The following AKAP8 variants were observed in gnomAD, a reference collection of about 807,000 sequenced individuals.
The protein encoded by AKAP8 is A-kinase anchor protein 8.
Under a neutral mutation model 67.5 loss-of-function variants are expected in AKAP8, and 24 were observed. The ratio of observed to expected loss-of-function variants is 0.36; its 90% confidence interval spans 0.26 to 0.50. AKAP8 has a LOEUF of 0.50. AKAP8 is among the 20% of genes least tolerant of loss of function. The pLI is 0.97. For missense variants in AKAP8, 971 were observed against 955.9 expected (o/e 1.02, Z -0.21); for synonymous variants, 400 against 371.1 (o/e 1.08, Z -0.90).
rs765239495 is a variant in AKAP8, at chr19:15,372,841, G to A, written c.861+10C>T. On this transcript the variant is annotated intron_variant, in intron 5 of 13. Coordinates refer to ENST00000269701, the MANE Select transcript of AKAP8 (RefSeq NM_005858.4). ...CGAAGGCGGCCGGAAGGAACCTTGC[G>A]AGGGCTTACCCGATCCCGATCCCGC... The A allele has an allele frequency of 2.6e-5, 39 of 1,488,794 alleles. No homozygotes were observed. The highest frequency in any genetic ancestry group is 1.4e-4 in the African/African-American group (10 of 71,200). The allele number at this position is 1,488,794 out of a possible 1,614,324, so 92.2% of individuals were successfully genotyped here. A position where few individuals can be genotyped will look rare whatever the true frequency, so the allele number is the denominator to read the frequency against.
rs1195506622 is a variant in AKAP8, at chr19:15,353,836, G to T, written c.*1079C>A. The stretch of plus-strand genomic sequence containing the variant: ...CTGATTTTAGGAAATTCTGTTGCGT[G>T]CTAACCTTGAACACATGCTAGCCTC... On this transcript the variant is annotated 3_prime_UTR_variant, in exon 14 of 14. Coordinates refer to ENST00000269701, the MANE Select transcript of AKAP8 (RefSeq NM_005858.4). The T allele has an allele frequency of 1.3e-5, 2 of 152,182 alleles. No homozygotes were observed. Among genetic ancestry groups the T allele is most frequent in the South Asian group, 4.1e-4 (2 of 4,820 alleles). 9.4% of individuals were successfully genotyped at this position (152,182 alleles called of 1,614,324 possible).
intron 9 of AKAP8, among the ~76,000 whole-genome samples, chr19:15,365,977 T>C (rs1328341399): frequency 6.7e-6 from 1 of 148,842 alleles, no homozygotes; most frequent in East Asian, 2.0e-4. Flanking sequence ...TGAGCTGAGA[T>C]CGTGCCACTG....
Position 15,369,369 on chromosome 19 carries a change from G to T in AKAP8, c.1072+777C>A. ...AAGCCTGAACAGGAGGAACATCTAA[G>T]CCAAGGGCCTTCAGAATGGATGGGA... is the stretch of plus-strand genomic sequence containing the variant. On this transcript the variant is annotated intron_variant, in intron 8 of 13. Transcript: ENST00000269701. The surrounding 1 kb of genome is among the most constrained non-coding windows in gnomAD (Gnocchi z 4.6). 2 of 620,044 alleles carry T rather than the reference G, an allele frequency of 3.2e-6. No homozygotes were observed. The highest frequency in any genetic ancestry group is 4.0e-6 in the Non-Finnish European group (2 of 495,916). 38.4% of individuals were successfully genotyped at this position (620,044 alleles called of 1,614,324 possible). A position where few individuals can be genotyped will look rare whatever the true frequency, so the allele number is the denominator to read the frequency against.
At position 15,361,729 on chromosome 19, in the gene AKAP8, C is replaced by T. The variant is rs1295320581; in HGVS notation, c.1396G>A (p.Gly466Arg). 1 of 1,610,814 alleles carries T rather than the reference C, an allele frequency of 6.2e-7. No individual in the cohort carries two copies. The highest frequency in any genetic ancestry group is 8.5e-7 in the Non-Finnish European group (1 of 1,176,938). ...CACTCATCCTGGGATGACAACTCAC[C>T]TTTGAAAGGATCTGGTTTTGGTTTT... ...TAKPKPDPFK[G>R]IGQEHFFKKI... The change falls in exon 11 of 14, where the codon GGG (glycine) becomes AGG (arginine). Residue 466 changes from glycine (G) to arginine (R), a missense_variant and splice_region_variant. Around this residue, in one of 3 missense-constraint regions of AKAP8, gnomAD observed 763 missense variants for 745.4 expected, o/e 1.02. Coordinates refer to ENST00000269701, the MANE Select transcript of AKAP8 (RefSeq NM_005858.4).
intron 9 of AKAP8, among the ~76,000 whole-genome samples, chr19:15,366,244 CTT>C (rs1382146950): frequency 1.3e-5 from 2 of 150,362 alleles, no homozygotes; most frequent in Non-Finnish European, 3.0e-5. Context: ...AGGAAGATCT[CTT>C]GAGGCTAGTT....
chr19:15,377,118 TAGA>T lies in AKAP8; in HGVS notation c.20-107_20-105del, dbSNP rs746387133. ...TCTCCTTACAGTTCAGTGCCAGCCT[TAGA>T]AGAAGGAAGACTCCCCCCCACCCCA... On this transcript the variant is annotated intron_variant, in intron 1 of 13. Transcript: ENST00000269701. 2.4e-5 allele frequency: 33 copies of T among 1,358,174 alleles called. 1 individual carries two copies. The highest frequency in any genetic ancestry group is 1.5e-4 in the East Asian group (6 of 39,222). The allele number at this position is 1,358,174 out of a possible 1,614,324, so 84.1% of individuals were successfully genotyped here.
At chr19:15,374,570 C>T in intron 3 of AKAP8, 33 bp downstream of exon 3, 1 of 1,608,076 alleles carries the variant, frequency 6.2e-7, no homozygotes, top group Non-Finnish European at 8.5e-7. Context: ...GCCCACTTGC[C>T]CGCCCACAGA....
rs1352238118 is a variant in AKAP8, at chr19:15,371,939, C to G, written c.1038+13G>C. ...CCCACACTAGAGGCAAAAGGGCTGC[C>G]TGGTGGACTTACACCCTTGAATTCT... On this transcript the variant is annotated intron_variant, in intron 7 of 13. Transcript: ENST00000269701. 1 of 1,613,948 alleles carries G rather than the reference C, an allele frequency of 6.2e-7. No individual in the cohort carries two copies. Among genetic ancestry groups the G allele is most frequent in the Admixed American group, 1.7e-5 (1 of 59,978 alleles).
Position 15,354,738 on chromosome 19 carries a change from C to T in AKAP8, c.*177G>A, listed in dbSNP as rs2048265758. ...TTTGAAACCTGGGCAAGAAGCCACA[C>T]GACTGCATGAGACAAGCCGTGAGAG... On this transcript the variant is annotated 3_prime_UTR_variant, in exon 14 of 14. Coordinates refer to ENST00000269701, the MANE Select transcript of AKAP8 (RefSeq NM_005858.4). 1.0e-5 allele frequency: 7 copies of T among 682,136 alleles called. No individual in the cohort carries two copies. Among genetic ancestry groups the T allele is most frequent in the African/African-American group, 3.6e-5 (2 of 55,406 alleles). The allele number at this position is 682,136 out of a possible 1,614,324, so 42.3% of individuals were successfully genotyped here. A position where few individuals can be genotyped will look rare whatever the true frequency, so the allele number is the denominator to read the frequency against.
intron 1 of AKAP8, among the ~76,000 whole-genome samples, chr19:15,377,719 C>A (rs946545920): frequency 2.6e-5 from 4 of 152,136 alleles, no homozygotes; most frequent in African/African-American, 9.7e-5. Context: ...CCGCCAGCCT[C>A]GGCCTCCCAA....
At chr19:15,362,052 G>T in intron 10 of AKAP8, 58 bp downstream of exon 10, 1 of 1,598,780 alleles carries the variant, frequency 6.3e-7, no homozygotes, top group South Asian at 1.1e-5. Context: ...TCCTTCAAGG[G>T]ATCCGGCACC....
Position 15,355,338 on chromosome 19 carries a change from A to G in AKAP8, c.1656T>C (p.Asp552=), listed in dbSNP as rs368685776. The part of the protein sequence containing the change: ...GEDPFTSETV[D]PEMEGDDNLG... ...AATTGTCATCTCCTTCCATTTCTGG[A>G]TCAACAGTTTCACTGGTGAAAGGGT... Residue 552 remains aspartate, a synonymous_variant, in exon 14 of 14, where the codon GAT becomes GAC. Coordinates refer to ENST00000269701, the MANE Select transcript of AKAP8 (RefSeq NM_005858.4). 1.7e-5 allele frequency: 28 copies of G among 1,613,490 alleles called. No individual in the cohort carries two copies. Among genetic ancestry groups the G allele is most frequent in the Non-Finnish European group, 2.4e-5 (28 of 1,179,974 alleles).
chr19:15,369,032 A>G lies in AKAP8; in HGVS notation c.1073-710T>C. The G allele has an allele frequency of 5.1e-6, 5 of 985,614 alleles. No individual in the cohort carries two copies. Among genetic ancestry groups the G allele is most frequent in the Non-Finnish European group, 6.0e-6 (5 of 830,172 alleles). 61.1% of individuals were successfully genotyped at this position (985,614 alleles called of 1,614,324 possible). On this transcript the variant is annotated intron_variant, in intron 8 of 13. Coordinates refer to ENST00000269701, the MANE Select transcript of AKAP8 (RefSeq NM_005858.4). This position sits in a 1 kb window ranked among gnomAD's most constrained non-coding sequence, Gnocchi z 4.6. ...ATGAGGCCAGGGACGGACGCTGAAA[A>G]AAGGTTGGAGAAGCATCTGAACTGT...
intron 9 of AKAP8, among the ~76,000 whole-genome samples, chr19:15,367,819 C>T (rs756456483): frequency 6.6e-6 from 1 of 152,222 alleles, no homozygotes; most frequent in African/African-American, 2.4e-5. Context: ...GAACACAGGA[C>T]AGTGTCTGAG....
At position 15,362,257 on chromosome 19, in the gene AKAP8, G is replaced by C. The variant is rs1441644746; in HGVS notation, c.1161-6C>G. The C allele has an allele frequency of 6.2e-7, 1 of 1,613,842 alleles. No individual in the cohort carries two copies. The highest frequency in any genetic ancestry group is 8.5e-7 in the Non-Finnish European group (1 of 1,179,938). ...CAGAACAGGCAAACTGAATTCTGTA[G>C]AAGGAAAACAAGGAGGGGAGTGAAG... On this transcript the variant is annotated splice_region_variant and splice_polypyrimidine_tract_variant and intron_variant, in intron 9 of 13. Coordinates refer to ENST00000269701, the MANE Select transcript of AKAP8 (RefSeq NM_005858.4).
rs753296829 is a variant in AKAP8, at chr19:15,355,324, C to T, written c.1670G>A (p.Gly557Glu). ...ATCCTCACCTCCTAAATTGTCATCT[C>T]CTTCCATTTCTGGATCAACAGTTTC... ...TSETVDPEME[G>E]DDNLGGEDKK... is the part of the protein sequence containing the mutation. Residue 557 changes from glycine to glutamate, a missense_variant, in exon 14 of 14, where the codon GGA (glycine) becomes GAA (glutamate). By Grantham distance (98) the Gly-to-Glu change is moderately conservative. Transcript: ENST00000269701. 7.4e-6 allele frequency: 12 copies of T among 1,613,716 alleles called. No individual in the cohort carries two copies. The South Asian group carries it at 1.1e-4, about 15-fold the overall frequency.
chr19:15,372,247 A>T lies in AKAP8; in HGVS notation c.962T>A (p.Val321Asp), dbSNP rs567716912. ...YEEPDTKLAR[V>D]DSEGDFSEND... The stretch of plus-strand genomic sequence containing the variant: ...TTCGGAGAAATCTCCTTCACTGTCA[A>T]CCCGGGCCAGTTTGGTGTCTGGCTC... Residue 321 changes from valine (V) to aspartate (D), a missense_variant, in exon 6 of 14, where the codon GTT becomes GAT. Val to Asp is a radical substitution (Grantham distance 152). Around this residue, in one of 3 missense-constraint regions of AKAP8, gnomAD observed 763 missense variants for 745.4 expected, o/e 1.02. Transcript: ENST00000269701. 20 of 1,614,102 alleles carry T rather than the reference A, an allele frequency of 1.2e-5. No homozygotes were observed. The South Asian group carries it at 2.1e-4, about 17-fold the overall frequency.
At chr19:15,359,155 G>A in intron 12 of AKAP8, 93 bp from the exon 13 acceptor site, 1 of 1,141,820 alleles carries the variant, frequency 8.8e-7, no homozygotes, top group Non-Finnish European at 1.3e-6. Flanking sequence ...CCTGAGATCA[G>A]CCCTATGCAG....
At chr19:15,358,853 C>T in intron 13 of AKAP8, 114 bp downstream of exon 13, 1 of 952,826 alleles carries the variant, frequency 1.0e-6, no homozygotes, top group Non-Finnish European at 1.7e-6. Context: ...TGTCCCTCAA[C>T]TGTCAAAAGA....
Sources: gnomAD v4.1 joint callset for allele counts (sites outside exome capture counted in the v4.1 genomes callset) on GRCh38, gnomAD v4.1.1 for gene constraint, gnomAD v4.1.1 regional missense constraint, Gnocchi (gnomAD v3.1) non-coding constraint, MANE v1.5 for transcripts, NCBI Gene and HGNC (gene_info 2026-07-23, HGNC 2026-07-21) for gene names.